The following AP3D1 variants were observed in gnomAD, a reference collection of about 807,000 sequenced individuals.
The protein encoded by AP3D1 is AP-3 complex subunit delta-1.
AP3D1 carries 51 observed loss-of-function variants against 147.6 expected under a neutral mutation model. The ratio of observed to expected loss-of-function variants is 0.35; its 90% CI spans 0.28 to 0.44. The LOEUF is 0.44. Ranked by LOEUF, AP3D1 falls within the 20% of genes least tolerant of loss-of-function variation. AP3D1 has a pLI of 1.00. For synonymous variants in AP3D1, 760 were observed against 663.0 expected, an observed-to-expected ratio of 1.15 and a Z score of -2.25; for missense variants, 1,421 against 1,624.2, an observed-to-expected ratio of 0.87 and a Z score of 2.15.
At chr19:2,148,089 G>C (rs1033089475) in intron 1 of AP3D1, among the ~76,000 whole-genome samples, 1 of 148,506 alleles carries the variant, frequency 6.7e-6, no homozygotes, top group Non-Finnish European at 1.5e-5. Flanking sequence ...ACAGCTTGCA[G>C]TGAGCCCAGA....
At chr19:2,114,077 G>T in intron 22 of AP3D1, 48 bp downstream of exon 22, 1 of 1,530,388 alleles carries the variant, frequency 6.5e-7, no homozygotes, top group Non-Finnish European at 8.8e-7. Context: ...GGAGTTCACG[G>T]CAAGGGAGGG....
intron 14 of AP3D1, 130 bp downstream of exon 14, chr19:2,120,732 C>T (rs1042908972): frequency 1.8e-5 from 16 of 872,922 alleles, no homozygotes; most frequent in East Asian, 2.6e-5. Flanking sequence ...TGGAAACCCA[C>T]GGACCTGCAA....
intron 1 of AP3D1, among the ~76,000 whole-genome samples, chr19:2,150,295 G>A (rs1223618615): frequency 6.6e-6 from 1 of 152,156 alleles, no homozygotes; most frequent in East Asian, 1.9e-4. Flanking sequence ...GCAGGCAGTC[G>A]CTCAAGTAGG....
At position 2,129,462 on chromosome 19, in the gene AP3D1, G is replaced by A. The variant is rs768557309; in HGVS notation, c.593-5C>T. 8.1e-6 allele frequency: 13 copies of A among 1,612,924 alleles called. No homozygotes were observed. Among genetic ancestry groups the A allele is most frequent in the Non-Finnish European group, 1.1e-5 (13 of 1,179,250 alleles). On this transcript the variant is annotated splice_region_variant and splice_polypyrimidine_tract_variant and intron_variant, in intron 6 of 31. Coordinates refer to ENST00000643116, the MANE Select transcript of AP3D1 (RefSeq NM_001261826.3). ...TGACGGCAGCCGACTGAACCCCTGG[G>A]GAACAAGGGGTTCTCATCAGCATGC...
rs372899039 is a variant in AP3D1 at position 2,114,287 on chromosome 19, G to A, written c.2439C>T (p.Ser813=). The A allele has an allele frequency of 1.4e-5, 23 of 1,611,294 alleles. No individual in the cohort carries two copies. The highest frequency in any genetic ancestry group is 9.4e-5 in the African/African-American group (7 of 74,316). ...TGTGTTTCTGAATAGGCAGTTTCTC[G>A]CTGTCGGCTAAGGGCCTGGAGGAGG... ...DIDLDKPLAD[S]EKLPIQKHRN... is the part of the protein sequence containing the mutation. The change falls in exon 22 of 32, where the codon AGC becomes AGT. Residue 813 remains serine, a synonymous_variant. Coordinates refer to ENST00000643116, the MANE Select transcript of AP3D1 (RefSeq NM_001261826.3).
rs186478213 is a variant in AP3D1 at position 2,102,111 on chromosome 19, C to T, written c.*62G>A. Reference sequence around the variant, plus strand: ...CACACGACTGAGGAGAGGCGAGACACGTCAGGGCTGCGGTCCCTGGGTACG... The same window carrying T: ...CACACGACTGAGGAGAGGCGAGACATGTCAGGGCTGCGGTCCCTGGGTACG... On this transcript the variant is annotated 3_prime_UTR_variant, in exon 32 of 32. Transcript: ENST00000643116. The T allele has an allele frequency of 5.8e-4, 783 of 1,354,410 alleles. No individual in the cohort carries two copies. Among genetic ancestry groups the T allele is most frequent in the Non-Finnish European group, 7.3e-4 (692 of 950,548 alleles). 83.9% of individuals were successfully genotyped at this position (1,354,410 alleles called of 1,614,324 possible).
Position 2,115,282 on chromosome 19 carries a change from C to A in AP3D1, c.2286G>T (p.Thr762=). Residue 762 remains threonine, a synonymous_variant, in exon 20 of 32, where the codon ACG becomes ACT. Transcript: ENST00000643116. ...KGKRRHSSLP[T]ESDEDIAPAQ... is the part of the protein sequence containing the mutation. The stretch of plus-strand genomic sequence containing the variant: ...CAGGGGCGATGTCCTCGTCGCTCTC[C>A]GTGGGCAGCGAGCTGTGGCGGCGCT... 1 of 1,613,450 alleles carries A rather than the reference C, an allele frequency of 6.2e-7. No individual in the cohort carries two copies. Among genetic ancestry groups the A allele is most frequent in the Non-Finnish European group, 8.5e-7 (1 of 1,180,012 alleles).
At chr19:2,106,464 G>C (rs1387507374) in intron 31 of AP3D1, among the ~76,000 whole-genome samples, 1 of 152,134 alleles carries the variant, frequency 6.6e-6, no homozygotes, top group Non-Finnish European at 1.5e-5. Flanking sequence ...CAGAAGAACT[G>C]CTTGAACCTG....
At chr19:2,123,716 A>T in intron 10 of AP3D1, 114 bp downstream of exon 10, 1 of 1,320,276 alleles carries the variant, frequency 7.6e-7, no homozygotes, top group Non-Finnish European at 1.1e-6. Context: ...CCAAGCCGCA[A>T]GATGGCGTGG....
chr19:2,117,735 G>A (rs1381818078), intron 15 of AP3D1, among the ~76,000 whole-genome samples: 1 of 152,256 alleles, frequency 6.6e-6, no homozygotes, highest in Non-Finnish European at 1.5e-5. Context: ...AGCTCCAACA[G>A]TGACCATGGG....
At chr19:2,148,935 G>A (rs542160987) in intron 1 of AP3D1, among the ~76,000 whole-genome samples, 13 of 151,718 alleles carry the variant, frequency 8.6e-5, no homozygotes, top group African/African-American at 3.1e-4. Context: ...TGCAGTGGGC[G>A]GGAGGGAAGA....
At chr19:2,129,545 G>T in intron 6 of AP3D1, 88 bp from the exon 7 acceptor site, 2 of 1,478,278 alleles carry the variant, frequency 1.4e-6, no homozygotes, top group East Asian at 2.4e-5. Flanking sequence ...GGAAGTTCTG[G>T]GGCCTGCAGC....
At chr19:2,155,766 G>A (rs1399969847), upstream of AP3D1, among the ~76,000 whole-genome samples, 1 of 152,036 alleles carries the variant, frequency 6.6e-6, no homozygotes, top group Non-Finnish European at 1.5e-5. Flanking sequence ...GAAAAAGGAA[G>A]AATGGGCCGG....
intron 1 of AP3D1, among the ~76,000 whole-genome samples, chr19:2,148,164 G>T (rs201691976): frequency 7.0e-6 from 1 of 142,564 alleles, no homozygotes; most frequent in Non-Finnish European, 1.5e-5. Context: ...AAAAAAAAAA[G>T]AAAAAGAAAA....
intron 31 of AP3D1, among the ~76,000 whole-genome samples, chr19:2,107,768 A>G (rs1176490500): frequency 2.0e-5 from 3 of 151,534 alleles, no homozygotes; most frequent in African/African-American, 7.3e-5. Flanking sequence ...AAGTGCAATA[A>G]AATGGTTCTA....
intron 1 of AP3D1, 22 bp downstream of exon 1, chr19:2,151,217 C>G: frequency 6.2e-7 from 1 of 1,603,972 alleles, no homozygotes; most frequent in South Asian, 1.1e-5. Context: ...GGCCGAGCAG[C>G]CCCTTGGCGC....
At chr19:2,112,218 G>C (rs537489045) in intron 24 of AP3D1, 42 of 242,738 alleles carry the variant, frequency 1.7e-4, no homozygotes, top group African/African-American at 9.0e-4. Context: ...CCACAAAGGG[G>C]AAGCGGCCCA....
chr19:2,144,408 C>T (rs1212249776), intron 1 of AP3D1, among the ~76,000 whole-genome samples: 4 of 152,158 alleles, frequency 2.6e-5, no homozygotes, highest in Admixed American at 2.6e-4. Context: ...GCCCCCACAC[C>T]GGGACCTACC....
intron 9 of AP3D1, among the ~76,000 whole-genome samples, chr19:2,124,200 G>A (rs920175271): frequency 3.3e-5 from 5 of 152,208 alleles, no homozygotes; most frequent in Non-Finnish European, 7.3e-5. Context: ...GCCAGGCCCC[G>A]AGGCCACAGG....
Sources: gnomAD v4.1 joint callset for allele counts (sites outside exome capture counted in the v4.1 genomes callset) on GRCh38, gnomAD v4.1.1 for gene constraint, MANE v1.5 for transcripts, NCBI Gene and HGNC (gene_info 2026-07-23, HGNC 2026-07-21) for gene names.